The following TMEM131 variants were observed in gnomAD, a reference collection of about 807,000 sequenced individuals.
TMEM131 encodes transmembrane protein 131.
TMEM131 carries 66 observed loss-of-function variants against 211.6 expected under a neutral mutation model. The ratio of observed to expected loss-of-function variants is 0.31; its 90% CI spans 0.26 to 0.38. TMEM131 has a LOEUF of 0.38. Among genes scored for constraint, TMEM131 ranks in the 10% least tolerant of loss-of-function variants. TMEM131 has a pLI of 1.00. For synonymous variants in TMEM131, 844 were observed against 841.3 expected (o/e 1.00, Z -0.06); for missense variants, 2,036 against 2,299.3 (o/e 0.89, Z 2.34).
chr2:97,966,553 A>T (rs535200507), intron 1 of TMEM131, among the ~76,000 whole-genome samples: 1 of 152,236 alleles, frequency 6.6e-6, no homozygotes, highest in South Asian at 2.1e-4. Context: ...GCCCTCAATA[A>T]ATGTTTGTTG....
chr2:97,925,504 T>C (rs779385723), intron 2 of TMEM131, among the ~76,000 whole-genome samples: 5 of 152,160 alleles, frequency 3.3e-5, no homozygotes, highest in Non-Finnish European at 7.4e-5. Context: ...GGCCAAAGCA[T>C]CAACTATAGA....
At chr2:97,990,067 C>T (rs1680193926) in intron 1 of TMEM131, among the ~76,000 whole-genome samples, 2 of 152,216 alleles carry the variant, frequency 1.3e-5, no homozygotes, top group Admixed American at 1.3e-4. Flanking sequence ...CAAGTCTAGA[C>T]TAACTCATCA....
chr2:97,860,878 G>T (rs555438871), intron 4 of TMEM131, among the ~76,000 whole-genome samples: 1 of 152,334 alleles, frequency 6.6e-6, no homozygotes, highest in African/African-American at 2.4e-5. Flanking sequence ...AAGAGGCAAT[G>T]AAGAGGGTAG....
chr2:97,965,838 T>G (rs572623437), intron 1 of TMEM131, among the ~76,000 whole-genome samples: 4 of 151,930 alleles, frequency 2.6e-5, no homozygotes, highest in Non-Finnish European at 5.9e-5. Context: ...TGCCTGCCCA[T>G]GGAGAAGTGA....
In TMEM131 at chr2:97,793,730, C is replaced by A. The variant is rs538570548; in HGVS notation, c.3387-177G>T. Reference sequence around the variant, plus strand: ...ACAGTTTTGGCTGGGCACGGTAGCTCATGCCTATAATCCCAGCACTTTGGG... The same window carrying A: ...ACAGTTTTGGCTGGGCACGGTAGCTAATGCCTATAATCCCAGCACTTTGGG... On this transcript the variant is annotated intron_variant, in intron 29 of 40. Coordinates refer to ENST00000186436, the MANE Select transcript of TMEM131 (RefSeq NM_015348.2). Among the ~76,000 whole-genome samples the A allele has an allele frequency of 3.9e-5, 6 of 152,234 alleles. No individual in the cohort carries two copies. The South Asian group carries it at 8.3e-4, about 21-fold the overall frequency.
At chr2:97,924,156 G>A (rs915091657) in intron 2 of TMEM131, among the ~76,000 whole-genome samples, 2 of 152,012 alleles carry the variant, frequency 1.3e-5, no homozygotes, top group African/African-American at 4.8e-5. Flanking sequence ...AGACCAAGGC[G>A]AGAAGATGGC....
intron 4 of TMEM131, among the ~76,000 whole-genome samples, chr2:97,875,133 T>C (rs899178251): frequency 1.3e-5 from 2 of 152,186 alleles, no homozygotes; most frequent in African/African-American, 2.4e-5. Context: ...CATTATATAA[T>C]GGTAAAGGGA....
intron 1 of TMEM131, among the ~76,000 whole-genome samples, chr2:97,958,235 T>C (rs1345739630): frequency 6.6e-6 from 1 of 152,126 alleles, no homozygotes; most frequent in Non-Finnish European, 1.5e-5. Flanking sequence ...CCCTGGAAGT[T>C]GTGTGCTATT....
chr2:97,809,774 T>A lies in TMEM131; in HGVS notation c.1969A>T (p.Ile657Phe), dbSNP rs750680211. 1 of 1,597,266 alleles carries A rather than the reference T, an allele frequency of 6.3e-7. No individual in the cohort carries two copies. The highest frequency in any genetic ancestry group is 8.5e-7 in the Non-Finnish European group (1 of 1,171,044). Residue 657 changes from isoleucine (I) to phenylalanine (F), a missense_variant and splice_region_variant, in exon 19 of 41, where the codon ATC (isoleucine) becomes TTC (phenylalanine). Coordinates refer to ENST00000186436, the MANE Select transcript of TMEM131 (RefSeq NM_015348.2). ...GAIQITTDYE[I>F]LTIPVKAVIA... Reference sequence around the variant, plus strand: ...ACAGCCTTCACAGGGATTGTCAGGATCTGTGAAGTCAAGAAGATGATGATA... The same window carrying A: ...ACAGCCTTCACAGGGATTGTCAGGAACTGTGAAGTCAAGAAGATGATGATA...
intron 1 of TMEM131, among the ~76,000 whole-genome samples, chr2:97,943,046 AAAGAAAGAAAGAAAGAAAGAAAG>A (rs1559464522): frequency 0.013 from 1,346 of 100,712 alleles, 22 homozygotes; most frequent in Middle Eastern, 0.035. Flanking sequence ...GAAAAGAAAG[AAAGAAAGAAAGAAAGAAAGAAAG>A]AAAGAAAGAA....
At chr2:97,795,244 C>A in intron 28 of TMEM131, 129 bp from the exon 29 acceptor site, 1 of 577,974 alleles carries the variant, frequency 1.7e-6, no homozygotes. Context: ...ACTCAACTTC[C>A]GTATTTTAAG....
At chr2:97,963,070 A>T (rs563338331) in intron 1 of TMEM131, among the ~76,000 whole-genome samples, 290 of 152,372 alleles carry the variant, frequency 1.9e-3, no homozygotes, top group Middle Eastern at 6.8e-3. Context: ...GAAATGTCCT[A>T]CATTAAGATG....
chr2:97,900,902 C>G (rs1217243675), intron 3 of TMEM131, among the ~76,000 whole-genome samples: 1 of 152,082 alleles, frequency 6.6e-6, no homozygotes, highest in East Asian at 1.9e-4. Flanking sequence ...TTTTTGATGA[C>G]AGCCTTTCTA....
Position 97,995,498 on chromosome 2 carries a change from A to G in TMEM131, c.165T>C (p.Ala55=). The G allele has an allele frequency of 7.1e-7, 1 of 1,410,378 alleles. No homozygotes were observed. Among genetic ancestry groups the G allele is most frequent in the Non-Finnish European group, 9.3e-7 (1 of 1,076,624 alleles). 87.4% of individuals were successfully genotyped at this position (1,410,378 alleles called of 1,614,324 possible). ...ALHLVMTLVV[A]AARAEKEAFV... ...CACCTTCCTTCTCGGCCCGCGCCGC[A>G]GCCACTACGAGGGTCATCACCAGGT... Residue 55 remains alanine (A), a synonymous_variant, in exon 1 of 41, where the codon GCT becomes GCC. Transcript: ENST00000186436.
In TMEM131 at chr2:97,796,947, T is replaced by C. The variant is rs1398854284; in HGVS notation, c.2910A>G (p.Gly970=). Residue 970 remains glycine, a synonymous_variant, in exon 27 of 41, where the codon GGA becomes GGG. Transcript: ENST00000186436. The stretch of plus-strand genomic sequence containing the variant: ...CCCTCAAGTTCTCAGTTGTTCCTTG[T>C]CCTTGGACCATCACAGCATCCATCA... The part of the protein sequence containing the change: ...LTVMDAVMVQ[G]QGTTENLRVA... 6.2e-6 allele frequency: 10 copies of C among 1,613,892 alleles called. No individual in the cohort carries two copies. Among genetic ancestry groups the C allele is most frequent in the East Asian group, 4.5e-5 (2 of 44,886 alleles).
chr2:97,900,434 A>G (rs1230029325), intron 3 of TMEM131, among the ~76,000 whole-genome samples: 1 of 151,970 alleles, frequency 6.6e-6, no homozygotes. Flanking sequence ...ATCTTTCTGT[A>G]CTTGGCTTAT....
chr2:97,804,973 T>C (rs2104937440), intron 22 of TMEM131, 115 bp downstream of exon 22: 2 of 711,366 alleles, frequency 2.8e-6, no homozygotes, highest in East Asian at 2.9e-5. Flanking sequence ...AAATTAGGCA[T>C]TCTTTCTTAG....
chr2:97,899,265 A>G (rs993635322), intron 3 of TMEM131, among the ~76,000 whole-genome samples: 1 of 152,160 alleles, frequency 6.6e-6, no homozygotes, highest in Non-Finnish European at 1.5e-5. Flanking sequence ...GTCTTTTTAC[A>G]TTTAACCTAC....
At chr2:97,759,462 G>T in intron 39 of TMEM131, 190 bp downstream of exon 39, 1 of 588,586 alleles carries the variant, frequency 1.7e-6, no homozygotes. Flanking sequence ...GTCGAGCCTG[G>T]TCCACTGCCC....
Sources: allele counts gnomAD v4.1 joint callset (sites outside exome capture counted in the v4.1 genomes callset), GRCh38; gene constraint gnomAD v4.1.1; transcripts MANE v1.5; gene names NCBI Gene and HGNC (gene_info 2026-07-23, HGNC 2026-07-21).